Variants in HCFC1 observed in about 807,000 individuals in gnomAD.
The protein encoded by HCFC1 is host cell factor 1.
HCFC1 carries 7 observed loss-of-function variants against 105.5 expected under a neutral mutation model. The ratio of observed to expected loss-of-function variants is 0.07; its 90% CI spans 0.04 to 0.12. The LOEUF is 0.12. Among genes scored for constraint, HCFC1 ranks in the 10% least tolerant of loss-of-function variants. HCFC1 has a pLI of 1.00. For synonymous variants in HCFC1, 918 were observed against 828.1 expected, an observed-to-expected ratio of 1.11 and a Z score of -1.86; for missense variants, 1,065 against 1,823.6, an observed-to-expected ratio of 0.58 and a Z score of 7.58.
In HCFC1 at chrX:153,954,287, A is replaced by C. The variant is rs1557113654; in HGVS notation, c.4112T>G (p.Val1371Gly). The stretch of plus-strand genomic sequence containing the variant: ...GTCGGGAAGCAGGGCACCCACGCTG[A>C]CCGACATGGTGGTGCCAGTGGAAGT... ...QTTSTGTTMS[V>G]SVGALLPDAT... Residue 1371 changes from valine to glycine, a missense_variant, in exon 17 of 26, where the codon GTC becomes GGC. Coordinates refer to ENST00000310441, the MANE Select transcript of HCFC1 (RefSeq NM_005334.3). 1 of 1,198,126 alleles carries C rather than the reference A, an allele frequency of 8.3e-7. No homozygotes were observed. Among genetic ancestry groups the C allele is most frequent in the Non-Finnish European group, 1.1e-6 (1 of 887,438 alleles).
intron 6 of HCFC1, among the ~76,000 whole-genome samples, chrX:153,961,215 GA>G (rs1465998365): frequency 2.9e-4 from 33 of 112,595 alleles, no homozygotes; most frequent in African/African-American, 1.0e-3. Flanking sequence ...GCTCAGATAT[GA>G]AGAGCCCCTG....
rs1279465835 is a variant in HCFC1, at chrX:153,951,926, G to A, written c.5175C>T (p.Asp1725=). Residue 1725 remains aspartate, a synonymous_variant, in exon 20 of 26, where the codon GAC becomes GAT. Coordinates refer to ENST00000310441, the MANE Select transcript of HCFC1 (RefSeq NM_005334.3). ...EALAPADSLN[D]PAIESNCLNE... ...TGAGGCAATTGCTCTCAATGGCTGG[G>A]TCGTTGAGACTGTCGGCAGGGGCCA... 8.4e-7 allele frequency: 1 copy of A among 1,187,473 alleles called. No individual in the cohort carries two copies. The highest frequency in any genetic ancestry group is 1.1e-6 in the Non-Finnish European group (1 of 882,423).
intron 22 of HCFC1, 99 bp downstream of exon 22, chrX:153,951,251 A>G: frequency 1.0e-6 from 1 of 990,337 alleles, no homozygotes; most frequent in Non-Finnish European, 1.4e-6. Context: ...CTGGCTACTC[A>G]GCTTGGCCCA....
chrX:153,949,760 G>A, intron 24 of HCFC1, 144 bp from the exon 25 acceptor site: 2 of 518,730 alleles, frequency 3.9e-6, no homozygotes, highest in East Asian at 3.4e-5. Flanking sequence ...CCCTATGGGT[G>A]GTCACCTTTT....
intron 1 of HCFC1, among the ~76,000 whole-genome samples, chrX:153,967,932 G>A (rs1037708411): frequency 9.0e-6 from 1 of 111,380 alleles, no homozygotes; most frequent in South Asian, 3.8e-4. Flanking sequence ...CAAAGGTGAT[G>A]GGCCCCAAAG....
Position 153,954,493 on chromosome X carries a change from G to C in HCFC1, c.3906C>G (p.Thr1302=). The C allele has an allele frequency of 8.3e-7, 1 of 1,210,922 alleles. No individual in the cohort carries two copies. The highest frequency in any genetic ancestry group is 1.1e-6 in the Non-Finnish European group (1 of 894,989). ...CTGCATTCGAGGTAGTGGCGGTGTT[G>C]GTGGTGCCTGTCTCGTGGGTCTCAC... The part of the protein sequence containing the change: ...PPCETHETGT[T]NTATTSNAGS... Residue 1302 remains threonine, a synonymous_variant, in exon 17 of 26, where the codon ACC becomes ACG. Transcript: ENST00000310441.
In HCFC1 at chrX:153,954,181, C is replaced by G; in HGVS notation, c.4218G>C (p.Ala1406=). The change falls in exon 17 of 26, where the codon GCG becomes GCC. Residue 1406 remains alanine (A), a synonymous_variant. Transcript: ENST00000310441. ...APSVTPQAGT[A]LLAPFPTQRV... ...TCTGTGTTGGGAAAGGAGCCAGCAG[C>G]GCGGTGCCAGCCTGGGGGGTGACGC... 1 of 1,202,623 alleles carries G rather than the reference C, an allele frequency of 8.3e-7. No homozygotes were observed. The highest frequency in any genetic ancestry group is 1.1e-6 in the Non-Finnish European group (1 of 892,866).
intron 1 of HCFC1, among the ~76,000 whole-genome samples, chrX:153,970,404 G>A (rs975805787): frequency 8.1e-5 from 8 of 99,269 alleles, no homozygotes; most frequent in Non-Finnish European, 1.7e-4. Flanking sequence ...CACAGCAAAG[G>A]GGAGGGGCAA....
chrX:153,951,279 T>C (rs1557112353), intron 22 of HCFC1, 71 bp downstream of exon 22: 7 of 1,142,731 alleles, frequency 6.1e-6, no homozygotes, highest in Non-Finnish European at 4.8e-6. Flanking sequence ...AGGAGTTTCC[T>C]GTAAGCCCCG....
intron 15 of HCFC1, 90 bp downstream of exon 15, chrX:153,956,535 G>T: frequency 8.8e-7 from 1 of 1,138,675 alleles, no homozygotes; most frequent in Non-Finnish European, 1.2e-6. Flanking sequence ...AGGAGCTGCT[G>T]TGCCACCCAG....
chrX:153,962,668 T>C (rs2065440289), intron 4 of HCFC1, among the ~76,000 whole-genome samples: 1 of 112,106 alleles, frequency 8.9e-6, no homozygotes, highest in Non-Finnish European at 1.9e-5. Flanking sequence ...TGTTGGAAAA[T>C]TCTCTCACGG....
chrX:153,955,457 A>G lies in HCFC1; in HGVS notation c.2942T>C (p.Ile981Thr). ...AQPVHDLPVS[I>T]LASPTTEQPT... Reference sequence around the variant, plus strand: ...CTGTTCTGTAGTCGGGGAGGCCAGAATGGACACAGGGAGGTCATGCACAGG... The same window carrying G: ...CTGTTCTGTAGTCGGGGAGGCCAGAGTGGACACAGGGAGGTCATGCACAGG... Residue 981 changes from isoleucine (I) to threonine (T), a missense_variant, in exon 17 of 26, where the codon ATT becomes ACT. By Grantham distance (89) the Ile-to-Thr change is moderately conservative (BLOSUM62 -1). This residue lies in a region of HCFC1 where 546 missense variants were observed against 599.9 expected (regional missense o/e 0.91). Transcript: ENST00000310441. 8.3e-7 allele frequency: 1 copy of G among 1,206,591 alleles called. No individual in the cohort carries two copies. The highest frequency in any genetic ancestry group is 1.1e-6 in the Non-Finnish European group (1 of 892,568).
intron 1 of HCFC1, among the ~76,000 whole-genome samples, chrX:153,968,525 T>C (rs1336872480): frequency 8.9e-6 from 1 of 112,491 alleles, no homozygotes; most frequent in Non-Finnish European, 1.9e-5. Flanking sequence ...GAATTGCCGA[T>C]GACAGTTTCC....
At chrX:153,951,099 AG>A in intron 22 of HCFC1, 101 bp from the exon 23 acceptor site, 3 of 866,585 alleles carry the variant, frequency 3.5e-6, no homozygotes, top group Non-Finnish European at 5.0e-6. Context: ...CAGAGGGAAA[AG>A]AGGTCAGCGG....
At chrX:153,958,804 T>C (rs3027890) in intron 9 of HCFC1, 38 bp from the exon 10 acceptor site, 38 of 1,049,976 alleles carry the variant, frequency 3.6e-5, no homozygotes, top group Non-Finnish European at 4.8e-5. Flanking sequence ...AGGTCACAGG[T>C]GCCACCCACC....
At position 153,954,124 on chromosome X, in the gene HCFC1, G is replaced by A. The variant is rs782707963; in HGVS notation, c.4275C>T (p.His1425=). 3.3e-6 allele frequency: 4 copies of A among 1,210,468 alleles called. No individual in the cohort carries two copies. The highest frequency in any genetic ancestry group is 5.9e-5 in the East Asian group (2 of 33,842). The change falls in exon 17 of 26, where the codon CAC becomes CAT. Residue 1425 remains histidine (H), a synonymous_variant. Transcript: ENST00000310441. ...TGGCCGTGTGAGTGGTGCCCGTCTCGTGGGTCTCACAGGGGGGGTTGGAGC... is the reference window on the plus strand; with the variant it reads ...TGGCCGTGTGAGTGGTGCCCGTCTCATGGGTCTCACAGGGGGGGTTGGAGC... ...RVCSNPPCET[H]ETGTTHTATT... is the part of the protein sequence containing the mutation.
In HCFC1 at chrX:153,950,559, T is replaced by G; in HGVS notation, c.5704-16A>C. 1 of 1,143,189 alleles carries G rather than the reference T, an allele frequency of 8.7e-7. No individual in the cohort carries two copies. Among genetic ancestry groups the G allele is most frequent in the African/African-American group, 1.8e-5 (1 of 55,293 alleles). The allele number at this position is 1,143,189 out of a possible 1,213,427, so 94.2% of individuals were successfully genotyped here. On this transcript the variant is annotated splice_polypyrimidine_tract_variant and intron_variant, in intron 23 of 25. Transcript: ENST00000310441. ...CATCCGGACTCTAGAAGCCAGGGGG[T>G]CAGAAGGTCAACAGAACAGGCTAGA...
In HCFC1 at chrX:153,955,025, G is replaced by A. The variant is rs1557114267; in HGVS notation, c.3374C>T (p.Ser1125Leu). The change falls in exon 17 of 26, where the codon TCG becomes TTG. Residue 1125 changes from serine (S) to leucine (L), a missense_variant. Around this residue, in one of 17 missense-constraint regions of HCFC1, gnomAD observed 546 missense variants for 599.9 expected, o/e 0.91. Coordinates refer to ENST00000310441, the MANE Select transcript of HCFC1 (RefSeq NM_005334.3). ...GTTNTATTAM[S>L]SVGANHQRDA... Reference sequence around the variant, plus strand: ...TCGCTGGTGGTTGGCGCCGACGCTCGACATGGCTGTAGTGGCAGTGTTGGT... The same window carrying A: ...TCGCTGGTGGTTGGCGCCGACGCTCAACATGGCTGTAGTGGCAGTGTTGGT... The A allele has an allele frequency of 1.7e-6, 2 of 1,209,222 alleles. No homozygotes were observed. The highest frequency in any genetic ancestry group is 2.2e-5 in the Admixed American group (1 of 45,893).
At chrX:153,953,527 C>T in intron 18 of HCFC1, 80 bp downstream of exon 18, 5 of 1,015,341 alleles carry the variant, frequency 4.9e-6, no homozygotes, top group East Asian at 3.1e-5. Flanking sequence ...GGTACAAGAG[C>T]GACATCTGGC....
Sources: allele counts gnomAD v4.1 joint callset (sites outside exome capture counted in the v4.1 genomes callset), GRCh38; gene constraint gnomAD v4.1.1; regional missense constraint gnomAD v4.1.1; transcripts MANE v1.5; gene names NCBI Gene and HGNC (gene_info 2026-07-23, HGNC 2026-07-21).